The following BOD1L1 variants were observed in gnomAD, a reference collection of about 807,000 sequenced individuals.
BOD1L1 encodes biorientation of chromosomes in cell division 1 like 1, also known as biorientation of chromosomes in cell division protein 1-like 1.
BOD1L1 carries 86 observed loss-of-function variants against 240.7 expected under a neutral mutation model. The observed-to-expected ratio is 0.36, with a 90% CI of 0.30 to 0.43. BOD1L1 has a LOEUF of 0.43. Ranked by LOEUF, BOD1L1 falls within the 20% of genes least tolerant of loss-of-function variation. The pLI is 1.00. For missense variants in BOD1L1, 3,554 were observed against 3,643.5 expected, an observed-to-expected ratio of 0.98 and a Z score of 0.63; for synonymous variants, 1,268 against 1,272.3, an observed-to-expected ratio of 1.00 and a Z score of 0.07.
intron 2 of BOD1L1, 87 bp from the exon 3 acceptor site, chr4:13,615,589 A>G: frequency 3.3e-6 from 4 of 1,214,882 alleles, no homozygotes. Flanking sequence ...ACAATCTGTC[A>G]TCTATCTATC....
chr4:13,613,461 A>T lies in BOD1L1; in HGVS notation c.1324+51T>A, dbSNP rs2108981433. The T allele has an allele frequency of 1.3e-6, 2 of 1,534,762 alleles. No individual in the cohort carries two copies. The highest frequency in any genetic ancestry group is 1.8e-6 in the Non-Finnish European group (2 of 1,121,888). ...CAGGATATAGCCATCAGAATATACA[A>T]ATAATGCTTGACAGGATGCTTCAGA... On this transcript the variant is annotated intron_variant, in intron 5 of 25. Transcript: ENST00000040738. This position sits in a 1 kb window ranked among gnomAD's most constrained non-coding sequence, Gnocchi z 4.0.
intron 1 of BOD1L1, chr4:13,625,073 T>C (rs775398003): frequency 2.0e-5 from 3 of 150,394 alleles, no homozygotes; most frequent in African/African-American, 4.9e-5. Context: ...AGAAGAAGGG[T>C]TGATCATCAA....
intron 9 of BOD1L1, among the ~76,000 whole-genome samples, chr4:13,606,837 C>CT (rs1026984649): frequency 6.6e-6 from 1 of 151,918 alleles, no homozygotes; most frequent in Non-Finnish European, 1.5e-5. Flanking sequence ...CTCCCTTTTT[C>CT]TTTTTTTGTC....
intron 22 of BOD1L1, among the ~76,000 whole-genome samples, chr4:13,579,514 A>T (rs192236796): frequency 2.6e-5 from 4 of 152,312 alleles, no homozygotes; most frequent in Admixed American, 2.6e-4. Context: ...TTTGTTGTTG[A>T]TATCAACACT....
At position 13,570,040 on chromosome 4, in the gene BOD1L1, C is replaced by T; in HGVS notation, c.9127G>A (p.Glu3043Lys). 6.2e-7 allele frequency: 1 copy of T among 1,606,254 alleles called. No homozygotes were observed. The highest frequency in any genetic ancestry group is 8.5e-7 in the Non-Finnish European group (1 of 1,176,860). ...CGCTTCGCTTTTTTCACAGGGGCTT[C>T]CTCCACCCTTTGCTGGCCTCTTGTT... ...ARTRGQQRVEEAPVKKAKR is the reference protein window; with the variant it reads ...ARTRGQQRVEKAPVKKAKR The change falls in exon 26 of 26, where the codon GAA (glutamate) becomes AAA (lysine). Residue 3043 changes from glutamate to lysine, a missense_variant. This residue lies in a region of BOD1L1 where 3,393 missense variants were observed against 3,427.1 expected (regional missense o/e 0.99). Transcript: ENST00000040738.
At chr4:13,571,733 A>G (rs1158369071) in intron 25 of BOD1L1, among the ~76,000 whole-genome samples, 1 of 152,176 alleles carries the variant, frequency 6.6e-6, no homozygotes, top group Non-Finnish European at 1.5e-5. Context: ...CAGGATCTGC[A>G]TTTTACCAAC....
intron 9 of BOD1L1, among the ~76,000 whole-genome samples, 154 bp downstream of exon 9, chr4:13,606,963 A>T (rs1052832716): frequency 1.3e-5 from 2 of 152,188 alleles, no homozygotes; most frequent in Non-Finnish European, 2.9e-5. Context: ...GCAATTTGGG[A>T]CATAACAAAA....
At chr4:13,573,583 G>C (rs1215341763) in intron 25 of BOD1L1, among the ~76,000 whole-genome samples, 1 of 151,912 alleles carries the variant, frequency 6.6e-6, no homozygotes, top group African/African-American at 2.4e-5. Flanking sequence ...GAGTGCAGTG[G>C]TACAATCTCT....
At position 13,599,118 on chromosome 4, in the gene BOD1L1, C is replaced by A. The variant is rs1714856663; in HGVS notation, c.7782G>T (p.Leu2594=). ...MIPPATYSVA[L]LAPKCEQDLT... The stretch of plus-strand genomic sequence containing the variant: ...AGTCCTGCTCACATTTAGGAGCCAA[C>A]AGAGCTACACTGTAAGTAGCTGGAG... Residue 2594 remains leucine, a synonymous_variant, in exon 10 of 26, where the codon CTG becomes CTT. Transcript: ENST00000040738. 1 of 1,613,946 alleles carries A rather than the reference C, an allele frequency of 6.2e-7. No individual in the cohort carries two copies. The highest frequency in any genetic ancestry group is 8.5e-7 in the Non-Finnish European group (1 of 1,179,856).
chr4:13,590,107 G>A (rs556147034), intron 14 of BOD1L1, among the ~76,000 whole-genome samples: 2 of 152,312 alleles, frequency 1.3e-5, no homozygotes, highest in Admixed American at 6.5e-5. Flanking sequence ...TTGTATTTAT[G>A]TTGGATTGAG....
intron 2 of BOD1L1, among the ~76,000 whole-genome samples, chr4:13,619,733 G>A (rs988283462): frequency 2.0e-5 from 3 of 152,042 alleles, no homozygotes; most frequent in Non-Finnish European, 4.4e-5. Flanking sequence ...AAGGTCTATA[G>A]GAACAATCAG....
At position 13,601,188 on chromosome 4, in the gene BOD1L1, C is replaced by G. The variant is rs1715123981; in HGVS notation, c.5712G>C (p.Gly1904=). 1.2e-6 allele frequency: 2 copies of G among 1,613,842 alleles called. No individual in the cohort carries two copies. Among genetic ancestry groups the G allele is most frequent in the African/African-American group, 1.3e-5 (1 of 74,916 alleles). Reference sequence around the variant, plus strand: ...CTACCACAGTACCAATCTGACTGTCCCCTTCTGCACTTTCACAAATCAAGA... The same window carrying G: ...CTACCACAGTACCAATCTGACTGTCGCCTTCTGCACTTTCACAAATCAAGA... The part of the protein sequence containing the change: ...EGVLICESAE[G]DSQIGTVVEH... Residue 1904 remains glycine, a synonymous_variant, in exon 10 of 26, where the codon GGG becomes GGC. Transcript: ENST00000040738.
Position 13,608,518 on chromosome 4 carries a change from T to C in BOD1L1, c.1742+12A>G, listed in dbSNP as rs922816666. The C allele has an allele frequency of 1.3e-6, 2 of 1,520,312 alleles. No homozygotes were observed. The highest frequency in any genetic ancestry group is 1.8e-6 in the Non-Finnish European group (2 of 1,138,804). 94.2% of individuals were successfully genotyped at this position (1,520,312 alleles called of 1,614,324 possible). ...GTGTTATAAGGGAAACATGACCAGA[T>C]AAAATATGTACCTTGAATCTTTTTT... On this transcript the variant is annotated intron_variant, in intron 8 of 25. Coordinates refer to ENST00000040738, the MANE Select transcript of BOD1L1 (RefSeq NM_148894.3).
intron 12 of BOD1L1, chr4:13,593,361 A>C (rs1472334819): frequency 2.0e-5 from 3 of 152,174 alleles, no homozygotes; most frequent in Non-Finnish European, 4.4e-5. Flanking sequence ...GGTATTAGGG[A>C]TGATTATTTA....
Position 13,604,197 on chromosome 4 carries a change from C to T in BOD1L1, c.2703G>A (p.Lys901=). The change falls in exon 10 of 26, where the codon AAG becomes AAA. Residue 901 remains lysine (K), a synonymous_variant. Coordinates refer to ENST00000040738, the MANE Select transcript of BOD1L1 (RefSeq NM_148894.3). ...ACACAAGTTTCTCTTCTAACAAGCT[C>T]TTTGTTCGTCGTTTCTCCTTGTGAA... The part of the protein sequence containing the change: ...EVVHKEKRRT[K]SLLEEKLVLK... The T allele has an allele frequency of 6.2e-7, 1 of 1,613,526 alleles. No homozygotes were observed. The highest frequency in any genetic ancestry group is 8.5e-7 in the Non-Finnish European group (1 of 1,179,762).
chr4:13,627,007 T>G (rs1169901268), intron 1 of BOD1L1, among the ~76,000 whole-genome samples: 1 of 152,176 alleles, frequency 6.6e-6, no homozygotes, highest in African/African-American at 2.4e-5. Flanking sequence ...AAGGCAAACA[T>G]AACTTCGATA....
intron 6 of BOD1L1, 141 bp downstream of exon 6, chr4:13,610,793 C>T (rs1716095517): frequency 1.7e-6 from 1 of 587,540 alleles, no homozygotes; most frequent in African/African-American, 1.9e-5. Flanking sequence ...TACATCTACT[C>T]TACCTAGTTA....
Position 13,570,008 on chromosome 4 carries a change from G to C in BOD1L1, c.*3C>G. 6.3e-7 allele frequency: 1 copy of C among 1,594,832 alleles called. No individual in the cohort carries two copies. Among genetic ancestry groups the C allele is most frequent in the Non-Finnish European group, 8.5e-7 (1 of 1,171,780 alleles). On this transcript the variant is annotated 3_prime_UTR_variant, in exon 26 of 26. Transcript: ENST00000040738. ...CATAAGCCTAGGGCAGCAGTGGTCA[G>C]GATTATCGCTTCGCTTTTTTCACAG...
chr4:13,599,831 G>T lies in BOD1L1; in HGVS notation c.7069C>A (p.Pro2357Thr). 6.2e-7 allele frequency: 1 copy of T among 1,613,974 alleles called. No individual in the cohort carries two copies. Among genetic ancestry groups the T allele is most frequent in the Non-Finnish European group, 8.5e-7 (1 of 1,179,890 alleles). ...GCTGACAGGTCACCGTTCCCTTCTG[G>T]GTTGTCTGCAGTCAGCTGATTCTCT... ...HEENQLTADN[P>T]EGNGDLSATE... Residue 2357 changes from proline to threonine, a missense_variant, in exon 10 of 26, where the codon CCA (proline) becomes ACA (threonine). Pro to Thr is a conservative substitution (Grantham distance 38). This residue lies in a region of BOD1L1 where 3,393 missense variants were observed against 3,427.1 expected (regional missense o/e 0.99). Transcript: ENST00000040738.
Sources: allele counts gnomAD v4.1 joint callset (sites outside exome capture counted in the v4.1 genomes callset), GRCh38; gene constraint gnomAD v4.1.1; regional missense constraint gnomAD v4.1.1; non-coding constraint Gnocchi (gnomAD v3.1); transcripts MANE v1.5; gene names NCBI Gene and HGNC (gene_info 2026-07-23, HGNC 2026-07-21).